Variants in HERC2 observed in about 807,000 individuals in gnomAD.
HERC2 encodes the protein HECT and RLD domain containing E3 ubiquitin protein ligase 2, also known as E3 ubiquitin-protein ligase HERC2.
HERC2 carries 102 observed loss-of-function variants against 537.7 expected under a neutral mutation model. The observed-to-expected ratio is 0.19, with a 90% CI of 0.16 to 0.22. The LOEUF (loss-of-function observed/expected upper bound fraction) is 0.22, where lower values mean the gene tolerates loss of function less well. Ranked by LOEUF, HERC2 falls within the 10% of genes least tolerant of loss-of-function variation. The pLI is 1.00. For missense variants in HERC2, 4,236 were observed against 6,198.2 expected (o/e 0.68, Z 10.63); for synonymous variants, 2,224 against 2,466.2 (o/e 0.90, Z 2.91).
chr15:28,232,604 CAA>C (rs1488749759), intron 30 of HERC2, among the ~76,000 whole-genome samples: 3 of 151,276 alleles, frequency 2.0e-5, no homozygotes, highest in African/African-American at 7.3e-5. Context: ...TTTATAATCA[CAA>C]GTGACTAAAT....
At chr15:28,161,971 T>C (rs1201878505) in intron 69 of HERC2, among the ~76,000 whole-genome samples, 5 of 152,184 alleles carry the variant, frequency 3.3e-5, no homozygotes, top group Admixed American at 1.3e-4. Flanking sequence ...GATACCTACT[T>C]TATTCTTACA....
chr15:28,257,377 G>A (rs1312859348), intron 16 of HERC2, 116 bp from the exon 17 acceptor site: 4 of 801,244 alleles, frequency 5.0e-6, no homozygotes, highest in African/African-American at 1.7e-5. Context: ...ATCATCCCTC[G>A]AACTGCCCAG....
intron 20 of HERC2, among the ~76,000 whole-genome samples, chr15:28,249,082 G>A (rs574901938): frequency 3.9e-5 from 6 of 152,294 alleles, no homozygotes; most frequent in Admixed American, 2.6e-4. Context: ...TTAAGACAAC[G>A]AAATTTAAAA....
intron 16 of HERC2, among the ~76,000 whole-genome samples, chr15:28,259,038 T>C (rs560033052): frequency 6.6e-6 from 1 of 152,266 alleles, no homozygotes; most frequent in East Asian, 1.9e-4. Context: ...AACAAACAGG[T>C]CACCTGAATA....
intron 4 of HERC2, 129 bp downstream of exon 4, chr15:28,292,759 C>A (rs957776017): frequency 2.5e-5 from 24 of 949,582 alleles, no homozygotes; most frequent in Non-Finnish European, 3.3e-5. Context: ...TATATTTTAC[C>A]ACAATATTTA....
intron 70 of HERC2, among the ~76,000 whole-genome samples, chr15:28,147,221 G>A (rs1179776419): frequency 1.3e-5 from 2 of 152,044 alleles, no homozygotes; most frequent in East Asian, 1.9e-4. Flanking sequence ...GATATAAAGC[G>A]AGAGAGAAAC....
chr15:28,146,610 A>ATT, intron 70 of HERC2, among the ~76,000 whole-genome samples: 1 of 151,630 alleles, frequency 6.6e-6, no homozygotes, highest in African/African-American at 2.4e-5. Flanking sequence ...TCCTACTGCA[A>ATT]CCACACTCCC....
intron 70 of HERC2, among the ~76,000 whole-genome samples, chr15:28,147,980 T>C (rs1891938367): frequency 6.7e-6 from 1 of 149,544 alleles, no homozygotes; most frequent in Admixed American, 6.7e-5. Context: ...GAGGCTGCAG[T>C]GAGTCAGAAT....
At position 28,254,457 on chromosome 15, in the gene HERC2, G is replaced by A; in HGVS notation, c.2933C>T (p.Ala978Val). Residue 978 changes from alanine to valine, a missense_variant, in exon 20 of 93, where the codon GCC becomes GTC. By Grantham distance (64) the Ala-to-Val change is moderately conservative (BLOSUM62 0). Coordinates refer to ENST00000261609, the MANE Select transcript of HERC2 (RefSeq NM_004667.6). ...EKEIDEQEAN[A>V]STFHRSRTPL... is the part of the protein sequence containing the mutation. The stretch of plus-strand genomic sequence containing the variant: ...AGTCCTGCTTCTATGAAATGTTGAG[G>A]CATTCGCTTCCTGTTCATCAATTTC... 5 of 1,605,768 alleles carry A rather than the reference G, an allele frequency of 3.1e-6. No homozygotes were observed. Among genetic ancestry groups the A allele is most frequent in the Non-Finnish European group, 3.4e-6 (4 of 1,177,272 alleles).
intron 17 of HERC2, among the ~76,000 whole-genome samples, 191 bp downstream of exon 17, chr15:28,256,870 C>T (rs752515169): frequency 2.0e-5 from 3 of 152,234 alleles, no homozygotes; most frequent in Non-Finnish European, 4.4e-5. Context: ...GCTGGGATTA[C>T]AGGCGTGAGC....
chr15:28,130,445 C>G (rs1889987972), intron 82 of HERC2, 58 bp downstream of exon 82: 2 of 1,574,936 alleles, frequency 1.3e-6, no homozygotes, highest in Admixed American at 3.3e-5. Flanking sequence ...AAAGGTGGTG[C>G]ACATACCCCA....
chr15:28,307,939 T>C (rs1274354853), intron 2 of HERC2, among the ~76,000 whole-genome samples: 17 of 152,184 alleles, frequency 1.1e-4, no homozygotes, highest in African/African-American at 4.1e-4. Context: ...ACTATGCTGT[T>C]TTGGTTACTA....
At chr15:28,198,325 C>A in intron 50 of HERC2, 53 bp downstream of exon 50, 1 of 1,571,282 alleles carries the variant, frequency 6.4e-7, no homozygotes, top group South Asian at 1.1e-5. Context: ...ACTAAGTACA[C>A]ATGCGTTAAT....
intron 4 of HERC2, among the ~76,000 whole-genome samples, chr15:28,280,596 C>G (rs1466987183): frequency 6.6e-6 from 1 of 152,102 alleles, no homozygotes; most frequent in Non-Finnish European, 1.5e-5. Flanking sequence ...CTGCCTCTCT[C>G]TATGGAAACA....
At chr15:28,246,101 T>C in intron 22 of HERC2, 35 bp from the exon 23 acceptor site, 1 of 1,372,170 alleles carries the variant, frequency 7.3e-7, no homozygotes, top group Middle Eastern at 2.1e-4. Context: ...TAAATAAGTA[T>C]TTATCCTATA....
chr15:28,117,530 T>C, intron 86 of HERC2: 1 of 530,128 alleles, frequency 1.9e-6, no homozygotes. Context: ...TTCACCATCT[T>C]GCCACGACCT....
chr15:28,210,064 T>G (rs1230370017), intron 44 of HERC2, among the ~76,000 whole-genome samples: 1 of 147,090 alleles, frequency 6.8e-6, no homozygotes, highest in Non-Finnish European at 1.5e-5. Flanking sequence ...CCGGTTCAAG[T>G]GATTCTCCTG....
At chr15:28,161,792 T>C (rs1394996805) in intron 69 of HERC2, among the ~76,000 whole-genome samples, 1 of 152,186 alleles carries the variant, frequency 6.6e-6, no homozygotes, top group Non-Finnish European at 1.5e-5. Flanking sequence ...GCTGTAATAG[T>C]TAAAATACCA....
At chr15:28,311,921 G>A (rs1175163814) in intron 2 of HERC2, among the ~76,000 whole-genome samples, 2 of 152,106 alleles carry the variant, frequency 1.3e-5, no homozygotes, top group African/African-American at 2.4e-5. Flanking sequence ...CTAAGCCAAG[G>A]AGGAAGCCCA....
Sources: allele counts gnomAD v4.1 joint callset (sites outside exome capture counted in the v4.1 genomes callset), GRCh38; gene constraint gnomAD v4.1.1; transcripts MANE v1.5; gene names NCBI Gene and HGNC (gene_info 2026-07-23, HGNC 2026-07-21).